AIG1: variants seen among roughly 807,000 people sequenced by gnomAD.
AIG1 encodes androgen-induced gene 1 protein.
A neutral mutation model predicts 31.4 loss-of-function variants in AIG1; 23 were observed. That is an observed-to-expected ratio of 0.73 (90% CI 0.53 to 1.04). The LOEUF is 1.04. AIG1 is among the 50% of genes least tolerant of loss of function. The probability of loss-of-function intolerance (pLI) is 0.00; values close to 1 mark genes in which losing one functional copy is unlikely to be tolerated. For missense variants in AIG1, 274 were observed against 295.0 expected, an observed-to-expected ratio of 0.93 and a Z score of 0.52; for synonymous variants, 100 against 110.5, an observed-to-expected ratio of 0.90 and a Z score of 0.60.
chr6:143,330,911 A>G lies in AIG1; in HGVS notation c.516-2371A>G, dbSNP rs1777022488. ...TGGACAAACAATATGATATCTCAGA[A>G]TCCCACAGGGTAGTTCTAACCATTT... On this transcript the variant is annotated intron_variant, in intron 4 of 5. Transcript: ENST00000357847. This position sits in a 1 kb window ranked among gnomAD's most constrained non-coding sequence, Gnocchi z 4.4. Among the ~76,000 whole-genome samples the G allele has an allele frequency of 6.6e-6, 1 of 152,228 alleles. No homozygotes were observed. Among genetic ancestry groups the G allele is most frequent in the Non-Finnish European group, 1.5e-5 (1 of 68,038 alleles).
chr6:143,225,779 C>T (rs1386341355), intron 3 of AIG1, among the ~76,000 whole-genome samples: 1 of 152,164 alleles, frequency 6.6e-6, no homozygotes, highest in Non-Finnish European at 1.5e-5. Context: ...ACTGCCTGTC[C>T]CCAAACTCCA....
At chr6:143,221,626 T>A (rs1273399206) in intron 3 of AIG1, among the ~76,000 whole-genome samples, 1 of 152,246 alleles carries the variant, frequency 6.6e-6, no homozygotes, top group Non-Finnish European at 1.5e-5. Flanking sequence ...AGCTATATTA[T>A]ATTCTGGGAA....
intron 5 of AIG1, among the ~76,000 whole-genome samples, chr6:143,337,294 G>A (rs1196258921): frequency 1.3e-5 from 2 of 152,180 alleles, no homozygotes; most frequent in Non-Finnish European, 1.5e-5. Flanking sequence ...CAAGCAGTCA[G>A]ACAAGAGGGC....
At chr6:143,260,677 G>A (rs1795711899) in intron 3 of AIG1, among the ~76,000 whole-genome samples, 1 of 152,180 alleles carries the variant, frequency 6.6e-6, no homozygotes, top group East Asian at 1.9e-4. Context: ...GTTTACTTCA[G>A]CACCACACCA....
chr6:143,274,589 C>T (rs1418611776), intron 3 of AIG1, among the ~76,000 whole-genome samples: 5 of 152,196 alleles, frequency 3.3e-5, no homozygotes, highest in Admixed American at 1.3e-4. Flanking sequence ...AATTTTTATT[C>T]ACCTAATTGA....
chr6:143,160,154 G>T (rs943123479), intron 2 of AIG1, among the ~76,000 whole-genome samples: 1 of 152,122 alleles, frequency 6.6e-6, no homozygotes, highest in African/African-American at 2.4e-5. Flanking sequence ...TGTTTGAGAT[G>T]ATGCTATCCA....
At chr6:143,063,193 T>C (rs541015363) in intron 1 of AIG1, among the ~76,000 whole-genome samples, 34 of 152,378 alleles carry the variant, frequency 2.2e-4, no homozygotes, top group African/African-American at 8.2e-4. Context: ...TCATATAATT[T>C]ATCTTTTAGC....
chr6:143,233,584 A>G (rs1253558264), intron 3 of AIG1, among the ~76,000 whole-genome samples: 1 of 151,124 alleles, frequency 6.6e-6, no homozygotes, highest in Non-Finnish European at 1.5e-5. Flanking sequence ...TGGACCAAAA[A>G]AAAAAAAGAA....
chr6:143,264,116 A>G (rs1395144331), intron 3 of AIG1, among the ~76,000 whole-genome samples: 1 of 152,194 alleles, frequency 6.6e-6, no homozygotes, highest in African/African-American at 2.4e-5. Context: ...TAATATGTGT[A>G]AATGGTTTTT....
intron 1 of AIG1, among the ~76,000 whole-genome samples, chr6:143,088,975 C>T (rs1472655772): frequency 1.3e-5 from 2 of 152,142 alleles, no homozygotes; most frequent in Non-Finnish European, 2.9e-5. Flanking sequence ...CTTTGGGAGG[C>T]TGAGACAGGT....
intron 2 of AIG1, among the ~76,000 whole-genome samples, chr6:143,146,383 C>T (rs1161407683): frequency 6.6e-6 from 1 of 152,096 alleles, no homozygotes; most frequent in African/African-American, 2.4e-5. Context: ...TATATATGCC[C>T]TTGTTTTGGG....
At chr6:143,266,346 C>CAAAAAAAAAAAAAAAAAAAAAAA in intron 3 of AIG1, among the ~76,000 whole-genome samples, 1 of 93,222 alleles carries the variant, frequency 1.1e-5, no homozygotes, top group Non-Finnish European at 2.2e-5. Flanking sequence ...GAGTCCGTCT[C>CAAAAAAAAAAAAAAAAAAAAAAA]AAAAAAAAAA....
chr6:143,098,814 C>G (rs1266012654), intron 1 of AIG1, among the ~76,000 whole-genome samples: 2 of 152,186 alleles, frequency 1.3e-5, no homozygotes, highest in Non-Finnish European at 2.9e-5. Context: ...TTGTTAGCAT[C>G]TTCTGTGCAT....
At chr6:143,342,522 T>A (rs1486175210), downstream of AIG1, 12 of 810,952 alleles carry the variant, frequency 1.5e-5, no homozygotes, top group African/African-American at 3.3e-5. Context: ...TCTTTCTCCC[T>A]ATCCTATAAG....
intron 3 of AIG1, among the ~76,000 whole-genome samples, chr6:143,223,689 T>C (rs1650417628): frequency 6.6e-6 from 1 of 152,228 alleles, no homozygotes; most frequent in Non-Finnish European, 1.5e-5. Context: ...GTAATTTTGA[T>C]AAAAATTTAA....
At chr6:143,113,999 C>A (rs1781526239) in intron 1 of AIG1, among the ~76,000 whole-genome samples, 3 of 152,130 alleles carry the variant, frequency 2.0e-5, no homozygotes, top group Admixed American at 6.5e-5. Flanking sequence ...TGGTCTTGAT[C>A]TTCTGACCTC....
At chr6:143,237,452 G>A (rs753399115) in intron 3 of AIG1, among the ~76,000 whole-genome samples, 4 of 152,134 alleles carry the variant, frequency 2.6e-5, no homozygotes, top group Non-Finnish European at 4.4e-5. Context: ...GCTAGGGACT[G>A]GGGCTATGAA....
intron 3 of AIG1, among the ~76,000 whole-genome samples, chr6:143,234,571 A>T (rs1057297791): frequency 5.3e-5 from 8 of 152,238 alleles, no homozygotes; most frequent in African/African-American, 1.9e-4. Flanking sequence ...GGAAAAAGAA[A>T]TAGTTCAGTT....
chr6:143,309,961 A>G (rs1775132632), intron 4 of AIG1, among the ~76,000 whole-genome samples: 1 of 151,992 alleles, frequency 6.6e-6, no homozygotes, highest in African/African-American at 2.4e-5. Context: ...TCTTTAATGT[A>G]TATGCACATA....
Sources: allele counts gnomAD v4.1 joint callset (sites outside exome capture counted in the v4.1 genomes callset), GRCh38; gene constraint gnomAD v4.1.1; non-coding constraint Gnocchi (gnomAD v3.1); transcripts MANE v1.5; gene names NCBI Gene and HGNC (gene_info 2026-07-23, HGNC 2026-07-21).